APBA1: variants seen among roughly 807,000 people sequenced by gnomAD.
APBA1 encodes amyloid-beta A4 precursor protein-binding family A member 1.
In APBA1, 55 loss-of-function variants were observed where a neutral mutation model predicts 86.6. The ratio of observed to expected loss-of-function variants is 0.64; its 90% CI spans 0.51 to 0.80. The LOEUF is 0.80. Ranked by LOEUF, APBA1 falls within the 30% of genes least tolerant of loss-of-function variation. The pLI is 0.00. For synonymous variants in APBA1, 511 were observed against 493.9 expected, an observed-to-expected ratio of 1.03 and a Z score of -0.46; for missense variants, 1,090 against 1,183.0, an observed-to-expected ratio of 0.92 and a Z score of 1.15.
intron 1 of APBA1, among the ~76,000 whole-genome samples, chr9:69,559,512 A>C (rs1836916309): frequency 6.6e-6 from 1 of 152,210 alleles, no homozygotes; most frequent in Non-Finnish European, 1.5e-5. Flanking sequence ...TTCACTGAAC[A>C]TGTTTGTGAG....
intron 1 of APBA1, among the ~76,000 whole-genome samples, chr9:69,633,460 A>G (rs1186301629): frequency 6.6e-6 from 1 of 152,184 alleles, no homozygotes; most frequent in Non-Finnish European, 1.5e-5. Context: ...AAAGCACTCC[A>G]CTTCAAACTC....
intron 2 of APBA1, among the ~76,000 whole-genome samples, chr9:69,505,751 C>A (rs561678239): frequency 4.5e-4 from 68 of 152,186 alleles, no homozygotes; most frequent in Non-Finnish European, 8.4e-4. Context: ...GGTGTGGTGG[C>A]TCATGCCTGT....
chr9:69,587,568 GTTC>G (rs1822045750), intron 1 of APBA1, among the ~76,000 whole-genome samples: 5 of 152,122 alleles, frequency 3.3e-5, no homozygotes, highest in African/African-American at 1.2e-4. Flanking sequence ...TTGCAAGTAG[GTTC>G]GGTATATGAG....
chr9:69,666,117 C>T (rs1564107173), intron 1 of APBA1, among the ~76,000 whole-genome samples: 1 of 152,214 alleles, frequency 6.6e-6, no homozygotes, highest in Admixed American at 6.5e-5. Context: ...GATGGTAATA[C>T]AGCCTTATGG....
intron 2 of APBA1, among the ~76,000 whole-genome samples, chr9:69,490,443 G>A (rs913560338): frequency 5.3e-5 from 8 of 151,384 alleles, no homozygotes; most frequent in African/African-American, 1.9e-4. Context: ...CCTGCACATC[G>A]TGTACATGTA....
intron 1 of APBA1, among the ~76,000 whole-genome samples, chr9:69,635,845 G>C (rs918472792): frequency 2.0e-5 from 3 of 152,032 alleles, no homozygotes; most frequent in African/African-American, 7.2e-5. Context: ...TGAGACATTG[G>C]CTAGGCAAAA....
chr9:69,526,992 C>A (rs995150884), intron 1 of APBA1, among the ~76,000 whole-genome samples: 2 of 152,094 alleles, frequency 1.3e-5, no homozygotes, highest in African/African-American at 2.4e-5. Flanking sequence ...AAACCAAACA[C>A]TACATGTTCT....
intron 1 of APBA1, among the ~76,000 whole-genome samples, chr9:69,646,187 T>A (rs562083340): frequency 2.6e-5 from 4 of 152,172 alleles, no homozygotes; most frequent in African/African-American, 4.8e-5. Flanking sequence ...ATAGTAAATA[T>A]GCTGTATTTG....
chr9:69,643,664 A>C (rs1411188782), intron 1 of APBA1, among the ~76,000 whole-genome samples: 1 of 152,160 alleles, frequency 6.6e-6, no homozygotes, highest in African/African-American at 2.4e-5. Context: ...CTTCACATTC[A>C]AATTCTCAGG....
chr9:69,633,576 T>C (rs1823094492), intron 1 of APBA1, among the ~76,000 whole-genome samples: 1 of 152,192 alleles, frequency 6.6e-6, no homozygotes, highest in African/African-American at 2.4e-5. Flanking sequence ...AAATGTTATT[T>C]CCTCTGACAA....
chr9:69,629,093 AAT>A (rs1282724929), intron 1 of APBA1, among the ~76,000 whole-genome samples: 1 of 152,148 alleles, frequency 6.6e-6, no homozygotes, highest in Non-Finnish European at 1.5e-5. Flanking sequence ...GTAACTTCAG[AAT>A]ATGTGACCCC....
chr9:69,543,354 T>C (rs1836649582), intron 1 of APBA1, among the ~76,000 whole-genome samples: 2 of 150,548 alleles, frequency 1.3e-5, no homozygotes, highest in African/African-American at 2.4e-5. Context: ...TTCCCTACTC[T>C]GGGGCAGAGC....
chr9:69,638,515 A>G (rs537414350), intron 1 of APBA1, among the ~76,000 whole-genome samples: 59 of 152,210 alleles, frequency 3.9e-4, no homozygotes, highest in Non-Finnish European at 6.6e-4. Flanking sequence ...TGCTGGGATT[A>G]CAGGTGTGAG....
At chr9:69,548,960 C>A (rs889172922) in intron 1 of APBA1, among the ~76,000 whole-genome samples, 1 of 152,168 alleles carries the variant, frequency 6.6e-6, no homozygotes, top group African/African-American at 2.4e-5. Context: ...CTGAAATGCC[C>A]GGGGTGGTGG....
At chr9:69,662,449 G>T (rs1038460573) in intron 1 of APBA1, among the ~76,000 whole-genome samples, 1 of 152,110 alleles carries the variant, frequency 6.6e-6, no homozygotes, top group Non-Finnish European at 1.5e-5. Context: ...TAGCTAGCCT[G>T]CCATAAAGAA....
intron 1 of APBA1, among the ~76,000 whole-genome samples, chr9:69,658,264 CTTTCTT>C (rs1554709930): frequency 1.4e-3 from 94 of 65,838 alleles, no homozygotes; most frequent in South Asian, 2.9e-3. Context: ...TTCTTTCTTT[CTTTCTT>C]TCTTTCTTTC....
intron 1 of APBA1, among the ~76,000 whole-genome samples, chr9:69,603,940 T>C (rs1822406633): frequency 6.6e-6 from 1 of 152,228 alleles, no homozygotes; most frequent in Non-Finnish European, 1.5e-5. Flanking sequence ...AGAGATCAGA[T>C]ACTGCAATAT....
intron 7 of APBA1, 28 bp downstream of exon 7, chr9:69,457,025 C>T (rs1283277673): frequency 1.3e-6 from 2 of 1,598,446 alleles, no homozygotes; most frequent in East Asian, 2.2e-5. Context: ...TAAGCTTCAC[C>T]CTGGGAAAGG....
intron 1 of APBA1, among the ~76,000 whole-genome samples, chr9:69,610,344 T>C (rs1163923611): frequency 6.6e-6 from 1 of 152,044 alleles, no homozygotes; most frequent in Non-Finnish European, 1.5e-5. Flanking sequence ...TAAAGTACAT[T>C]GTATCCTTCT....
Sources: gnomAD v4.1 joint callset for allele counts (sites outside exome capture counted in the v4.1 genomes callset) on GRCh38, gnomAD v4.1.1 for gene constraint, MANE v1.5 for transcripts, NCBI Gene and HGNC (gene_info 2026-07-23, HGNC 2026-07-21) for gene names.